The following AHDC1 variants were observed in gnomAD, a reference collection of about 807,000 sequenced individuals.
AHDC1 encodes transcription factor Gibbin.
A neutral mutation model predicts 87.9 loss-of-function variants in AHDC1; 7 were observed. That is an observed-to-expected ratio of 0.08 (90% CI 0.05 to 0.15). AHDC1 has a LOEUF of 0.15. Among genes scored for constraint, AHDC1 ranks in the 10% least tolerant of loss-of-function variants. AHDC1 has a pLI of 1.00. For missense variants in AHDC1, 1,841 were observed against 2,253.2 expected (o/e 0.82, Z 3.70); for synonymous variants, 1,051 against 1,006.8 (o/e 1.04, Z -0.83).
chr1:27,559,561 T>C (rs2019975053), intron 3 of AHDC1, among the ~76,000 whole-genome samples: 2 of 152,094 alleles, frequency 1.3e-5, no homozygotes, highest in South Asian at 4.1e-4. Flanking sequence ...ATGTATAAAA[T>C]AGGAAAAGTG....
intron 3 of AHDC1, among the ~76,000 whole-genome samples, chr1:27,589,882 C>T (rs1263962303): frequency 1.3e-5 from 2 of 152,080 alleles, no homozygotes; most frequent in Non-Finnish European, 2.9e-5. Context: ...GGCCAGGCAC[C>T]GGCCCCCACC....
In AHDC1 at chr1:27,560,826, G is replaced by C. The variant is rs2020044270; in HGVS notation, c.-628-1943C>G. ...CACAACGGTGCCCCAGGGTTTGTGT[G>C]GTACCTTTGTGAAGGGCTCAGTGTG... On this transcript the variant is annotated intron_variant, in intron 3 of 8. Coordinates refer to ENST00000673934, the MANE Select transcript of AHDC1 (RefSeq NM_001371928.1). This position sits in a 1 kb window ranked among gnomAD's most constrained non-coding sequence, Gnocchi z 4.1. 6.6e-6 allele frequency among the ~76,000 whole-genome samples: 1 copy of C among 152,012 alleles called. No individual in the cohort carries two copies. Among genetic ancestry groups the C allele is most frequent in the Non-Finnish European group, 1.5e-5 (1 of 67,994 alleles).
In AHDC1 at chr1:27,549,199, C is replaced by A; in HGVS notation, c.2917G>T (p.Gly973Cys). 3 of 1,596,516 alleles carry A rather than the reference C, an allele frequency of 1.9e-6. No individual in the cohort carries two copies. The highest frequency in any genetic ancestry group is 2.6e-6 in the Non-Finnish European group (3 of 1,171,172). The change falls in exon 8 of 9, where the codon GGC becomes TGC. Residue 973 changes from glycine (G) to cysteine (C), a missense_variant. Gly to Cys is a radical substitution (Grantham distance 159). This residue lies in a region of AHDC1 where 378 missense variants were observed against 399.0 expected (regional missense o/e 0.95). Transcript: ENST00000673934. ...PANTYLPQYG[G>C]YGAGQSVFAP... is the part of the protein sequence containing the mutation. ...AATACGCTTTGTCCGGCCCCATAGC[C>A]GCCGTACTGGGGCAGGTAGGTGTTG...
At chr1:27,546,001 G>T (rs2019149447) in intron 8 of AHDC1, among the ~76,000 whole-genome samples, 1 of 152,186 alleles carries the variant, frequency 6.6e-6, no homozygotes, top group Non-Finnish European at 1.5e-5. Flanking sequence ...GGGGCAACAA[G>T]TTTCCACTGA....
chr1:27,539,138 CT>C (rs112072152), intron 8 of AHDC1, among the ~76,000 whole-genome samples: 7,665 of 125,298 alleles, frequency 0.061, 544 homozygotes, highest in African/African-American at 0.21. Flanking sequence ...TTTTTCTTTT[CT>C]TTTTTTTTTT....
At chr1:27,568,757 GC>G (rs542043219) in intron 3 of AHDC1, among the ~76,000 whole-genome samples, 86 of 151,878 alleles carry the variant, frequency 5.7e-4, no homozygotes, top group African/African-American at 2.0e-3. Flanking sequence ...TCAGGTGGGA[GC>G]CTGCGGCGGG....
chr1:27,571,428 G>A (rs1401462782), intron 3 of AHDC1, among the ~76,000 whole-genome samples: 1 of 152,198 alleles, frequency 6.6e-6, no homozygotes, highest in African/African-American at 2.4e-5. Flanking sequence ...CTGAGCTGCA[G>A]CAGGAGGAGG....
At chr1:27,575,185 G>A (rs1462590317) in intron 3 of AHDC1, among the ~76,000 whole-genome samples, 2 of 152,188 alleles carry the variant, frequency 1.3e-5, no homozygotes, top group Non-Finnish European at 2.9e-5. Context: ...CGCCGCCGCC[G>A]CCGCCTCTGG....
chr1:27,559,232 T>A (rs1428804443), intron 3 of AHDC1, among the ~76,000 whole-genome samples: 3 of 151,566 alleles, frequency 2.0e-5, no homozygotes, highest in Non-Finnish European at 4.4e-5. Flanking sequence ...TTTTTTAAAT[T>A]TTTTGTAGGG....
intron 7 of AHDC1, 189 bp from the exon 8 acceptor site, chr1:27,552,378 G>A: frequency 2.3e-6 from 1 of 426,428 alleles, no homozygotes; most frequent in Non-Finnish European, 3.9e-6. Context: ...TGTATAGTGA[G>A]CCCCTCATGG....
intron 3 of AHDC1, among the ~76,000 whole-genome samples, chr1:27,570,451 G>C (rs1423743127): frequency 6.6e-6 from 1 of 151,974 alleles, no homozygotes; most frequent in African/African-American, 2.4e-5. Context: ...CACAGGGCTG[G>C]GCAAAGAACC....
rs1275957784 is a variant in AHDC1 at position 27,563,614 on chromosome 1, CGGCATGAAT to C, written c.-628-4740_-628-4732del. Among the ~76,000 whole-genome samples, 1 of 152,212 alleles carries C rather than the reference CGGCATGAAT, an allele frequency of 6.6e-6. No individual in the cohort carries two copies. The highest frequency in any genetic ancestry group is 1.5e-5 in the Non-Finnish European group (1 of 68,032). On this transcript the variant is annotated intron_variant, in intron 3 of 8. Coordinates refer to ENST00000673934, the MANE Select transcript of AHDC1 (RefSeq NM_001371928.1). The surrounding 1 kb of genome is among the most constrained non-coding windows in gnomAD (Gnocchi z 6.1). ...GCCTGCAGAGGCGTCACAGCTCACA[CGGCATGAAT>C]GTCACCCCAGCACTGCCAGAGCCGG...
intron 8 of AHDC1, among the ~76,000 whole-genome samples, chr1:27,543,508 T>G (rs2019021034): frequency 6.6e-6 from 1 of 152,234 alleles, no homozygotes; most frequent in Non-Finnish European, 1.5e-5. Context: ...GTGACCTGCC[T>G]TTGCCCACAG....
In AHDC1 at chr1:27,558,112, G is replaced by A. The variant is rs1259546322; in HGVS notation, c.-225+193C>T. ...TCTAGGGAGCTTCCTGGAGCCGCAG[G>A]CTTCATGTGTCAGTTCAGGGAGTTG... On this transcript the variant is annotated intron_variant, in intron 5 of 8. Coordinates refer to ENST00000673934, the MANE Select transcript of AHDC1 (RefSeq NM_001371928.1). This position sits in a 1 kb window ranked among gnomAD's most constrained non-coding sequence, Gnocchi z 5.6. Among the ~76,000 whole-genome samples the A allele has an allele frequency of 6.6e-6, 1 of 152,216 alleles. No individual in the cohort carries two copies. Among genetic ancestry groups the A allele is most frequent in the Non-Finnish European group, 1.5e-5 (1 of 68,022 alleles).
At position 27,562,316 on chromosome 1, in the gene AHDC1, A is replaced by G. The variant is rs543404818; in HGVS notation, c.-628-3433T>C. 1.6e-4 allele frequency among the ~76,000 whole-genome samples: 24 copies of G among 152,106 alleles called. No homozygotes were observed. The highest frequency in any genetic ancestry group is 4.3e-4 in the African/African-American group (18 of 41,496). ...CTGACTTGCGGTTCAGAAATCCAAT[A>G]TCCTCCCCGGTGCACTGATCGACTG... On this transcript the variant is annotated intron_variant, in intron 3 of 8. Coordinates refer to ENST00000673934, the MANE Select transcript of AHDC1 (RefSeq NM_001371928.1). This position sits in a 1 kb window ranked among gnomAD's most constrained non-coding sequence, Gnocchi z 4.4.
intron 8 of AHDC1, among the ~76,000 whole-genome samples, chr1:27,543,177 G>A (rs1326348369): frequency 6.6e-6 from 1 of 152,240 alleles, no homozygotes; most frequent in East Asian, 1.9e-4. Context: ...CTTGGCCTCA[G>A]GTCAGGCCTG....
At position 27,549,176 on chromosome 1, in the gene AHDC1, T is replaced by C. The variant is rs112729214; in HGVS notation, c.2940A>G (p.Val980=). Residue 980 remains valine (V), a synonymous_variant, in exon 8 of 9, where the codon GTA becomes GTG. Coordinates refer to ENST00000673934, the MANE Select transcript of AHDC1 (RefSeq NM_001371928.1). ...QYGGYGAGQS[V]FAPTKPFTGQ... Reference sequence around the variant, plus strand: ...CTGTAAAGGGCTTAGTTGGGGCGAATACGCTTTGTCCGGCCCCATAGCCGC... The same window carrying C: ...CTGTAAAGGGCTTAGTTGGGGCGAACACGCTTTGTCCGGCCCCATAGCCGC... 24 of 1,579,862 alleles carry C rather than the reference T, an allele frequency of 1.5e-5. 1 individual carries two copies. The African/African-American group carries it at 2.0e-4, about 13-fold the overall frequency.
rs2020268605 is a variant in AHDC1, at chr1:27,565,235, C to T, written c.-628-6352G>A. On this transcript the variant is annotated intron_variant, in intron 3 of 8. Coordinates refer to ENST00000673934, the MANE Select transcript of AHDC1 (RefSeq NM_001371928.1). This position sits in a 1 kb window ranked among gnomAD's most constrained non-coding sequence, Gnocchi z 4.6. ...TTGCGTGCAACCTGCCTCCCCCAGG[C>T]ACCCCTACTCCCCCGCCTGGCCCCT... 6.6e-6 allele frequency among the ~76,000 whole-genome samples: 1 copy of T among 151,994 alleles called. No homozygotes were observed. The highest frequency in any genetic ancestry group is 2.4e-5 in the African/African-American group (1 of 41,378).
chr1:27,561,039 G>A lies in AHDC1; in HGVS notation c.-628-2156C>T, dbSNP rs2020056563. Reference sequence around the variant, plus strand: ...GGACAATTTATCCACAGGCAGAGAAGGAGAATTCCAACCTGCCAGAGCCTC... The same window carrying A: ...GGACAATTTATCCACAGGCAGAGAAAGAGAATTCCAACCTGCCAGAGCCTC... On this transcript the variant is annotated intron_variant, in intron 3 of 8. Coordinates refer to ENST00000673934, the MANE Select transcript of AHDC1 (RefSeq NM_001371928.1). This position sits in a 1 kb window ranked among gnomAD's most constrained non-coding sequence, Gnocchi z 4.2. 6.6e-6 allele frequency among the ~76,000 whole-genome samples: 1 copy of A among 152,150 alleles called. No individual in the cohort carries two copies.
Sources: gnomAD v4.1 joint callset for allele counts (sites outside exome capture counted in the v4.1 genomes callset) on GRCh38, gnomAD v4.1.1 for gene constraint, gnomAD v4.1.1 regional missense constraint, Gnocchi (gnomAD v3.1) non-coding constraint, MANE v1.5 for transcripts, NCBI Gene and HGNC (gene_info 2026-07-23, HGNC 2026-07-21) for gene names.